Variants in COL4A1 observed in about 807,000 individuals in gnomAD.
COL4A1 encodes collagen alpha-1(IV) chain.
In COL4A1, 40 loss-of-function variants were observed where a neutral mutation model predicts 216.6. The observed-to-expected ratio is 0.18, with a 90% CI of 0.14 to 0.24. The LOEUF (loss-of-function observed/expected upper bound fraction) is 0.24. COL4A1 is among the 10% of genes least tolerant of loss of function. The pLI is 1.00. For missense variants in COL4A1, 1,628 were observed against 2,196.8 expected, an observed-to-expected ratio of 0.74 and a Z score of 5.18; for synonymous variants, 839 against 810.7, an observed-to-expected ratio of 1.03 and a Z score of -0.59.
chr13:110,298,910 G>C (rs1884384345), intron 1 of COL4A1: 1 of 152,496 alleles, frequency 6.6e-6, no homozygotes, highest in South Asian at 2.1e-4. Context: ...AAGCCACGGA[G>C]GGCAGAGTCT....
intron 1 of COL4A1, among the ~76,000 whole-genome samples, chr13:110,244,032 C>T (rs753893802): frequency 3.3e-5 from 5 of 152,108 alleles, no homozygotes; most frequent in Admixed American, 1.3e-4. Flanking sequence ...GATGAATAAT[C>T]GGGTTAATAA....
Position 110,297,934 on chromosome 13 carries a change from A to AG in COL4A1, c.84+9009_84+9010insC, listed in dbSNP as rs199928351. On this transcript the variant is annotated intron_variant, in intron 1 of 51. Transcript: ENST00000375820. The stretch of plus-strand genomic sequence containing the variant: ...TACTTTCGCTGATGTAAAAAAAAAA[A>AG]AGAGAGAGAGAAATGGGCCTTTGGT... Among the ~76,000 whole-genome samples the AG allele has an allele frequency of 2.8e-3, 422 of 152,062 alleles. 2 individuals carry two copies. Among genetic ancestry groups the AG allele is most frequent in the Admixed American group, 4.5e-3 (69 of 15,290 alleles).
At chr13:110,215,888 C>A (rs1207532190) in intron 2 of COL4A1, among the ~76,000 whole-genome samples, 1 of 152,202 alleles carries the variant, frequency 6.6e-6, no homozygotes, top group African/African-American at 2.4e-5. Flanking sequence ...TAACTGCCTG[C>A]TCCATTTTTA....
At chr13:110,217,683 A>G (rs969251864) in intron 2 of COL4A1, among the ~76,000 whole-genome samples, 4 of 152,234 alleles carry the variant, frequency 2.6e-5, no homozygotes, top group African/African-American at 9.6e-5. Context: ...TGATCAAAAA[A>G]GGAAAATCAT....
At chr13:110,196,593 A>T (rs916798413) in intron 21 of COL4A1, among the ~76,000 whole-genome samples, 1 of 142,496 alleles carries the variant, frequency 7.0e-6, no homozygotes, top group Admixed American at 7.2e-5. Flanking sequence ...AAAACAAAAA[A>T]CAAAAAACAA....
intron 18 of COL4A1, among the ~76,000 whole-genome samples, chr13:110,203,030 T>C (rs1879317857): frequency 6.6e-6 from 1 of 152,082 alleles, no homozygotes; most frequent in Non-Finnish European, 1.5e-5. Flanking sequence ...TTGGCCAACA[T>C]AGTCAGGCCC....
chr13:110,250,441 C>T (rs1322310528), intron 1 of COL4A1, among the ~76,000 whole-genome samples: 2 of 152,140 alleles, frequency 1.3e-5, no homozygotes, highest in Non-Finnish European at 2.9e-5. Context: ...AAGTTCTGGT[C>T]TCATTTTCCC....
chr13:110,174,765 A>G lies in COL4A1; in HGVS notation c.3199-16T>C. 1.2e-6 allele frequency: 2 copies of G among 1,612,176 alleles called. No individual in the cohort carries two copies. Among genetic ancestry groups the G allele is most frequent in the Non-Finnish European group, 1.7e-6 (2 of 1,178,348 alleles). ...CTTGATCTCCCTGCAAGTAAAAGTC[A>G]GGCATATTAACTTTACATTTGTCCA... On this transcript the variant is annotated splice_polypyrimidine_tract_variant and intron_variant, in intron 37 of 51. Transcript: ENST00000375820.
intron 23 of COL4A1, 47 bp downstream of exon 23, chr13:110,192,783 A>C: frequency 6.5e-7 from 1 of 1,543,346 alleles, no homozygotes; most frequent in Non-Finnish European, 8.9e-7. Flanking sequence ...AGATGCCAAC[A>C]CACCAAAGCA....
intron 1 of COL4A1, among the ~76,000 whole-genome samples, chr13:110,253,665 ATG>A (rs1428043138): frequency 5.9e-5 from 8 of 134,522 alleles, no homozygotes; most frequent in Admixed American, 3.8e-4. Flanking sequence ...GTATAATTAT[ATG>A]TGTATGTATG....
intron 1 of COL4A1, among the ~76,000 whole-genome samples, chr13:110,275,150 G>T (rs1310313713): frequency 5.3e-5 from 8 of 152,128 alleles, no homozygotes; most frequent in Non-Finnish European, 1.0e-4. Context: ...ATTTGCAAAA[G>T]ATATATTTGA....
chr13:110,232,289 C>G (rs1032282051), intron 2 of COL4A1, among the ~76,000 whole-genome samples: 1 of 152,236 alleles, frequency 6.6e-6, no homozygotes, highest in African/African-American at 2.4e-5. Context: ...CTGGTTTGCT[C>G]GTTAACTCTG....
In COL4A1 at chr13:110,150,250, C is replaced by T. The variant is rs1876435484; in HGVS notation, c.*113G>A. ...ACGCAAATTCCTATAAGGCACTTTA[C>T]GGTTTTCATATTGGACAGTGAGGTA... On this transcript the variant is annotated 3_prime_UTR_variant, in exon 52 of 52. Transcript: ENST00000375820. 6 of 1,021,066 alleles carry T rather than the reference C, an allele frequency of 5.9e-6. No homozygotes were observed. Among genetic ancestry groups the T allele is most frequent in the East Asian group, 2.6e-5 (1 of 38,554 alleles). 63.3% of individuals were successfully genotyped at this position (1,021,066 alleles called of 1,614,324 possible).
Position 110,200,863 on chromosome 13 carries a change from C to G in COL4A1, c.1111G>C (p.Gly371Arg). Reference protein sequence around the residue: ...KGFPGLPGQPGPPGLPVPGQA... With the variant: ...KGFPGLPGQPRPPGLPVPGQA... The stretch of plus-strand genomic sequence containing the variant: ...AGTTAAGGAGTCTCACCTGGAGGTC[C>G]GGGTTGGCCTGGTAGTCCTGGGAAA... Residue 371 changes from glycine to arginine, a missense_variant, in exon 20 of 52, where the codon GGA (glycine) becomes CGA (arginine). Coordinates refer to ENST00000375820, the MANE Select transcript of COL4A1 (RefSeq NM_001845.6). 1 of 1,614,108 alleles carries G rather than the reference C, an allele frequency of 6.2e-7. No homozygotes were observed. Among genetic ancestry groups the G allele is most frequent in the Non-Finnish European group, 8.5e-7 (1 of 1,180,004 alleles).
intron 6 of COL4A1, 47 bp downstream of exon 6, chr13:110,212,370 A>C: frequency 6.2e-7 from 1 of 1,609,864 alleles, no homozygotes; most frequent in African/African-American, 1.3e-5. Context: ...AATATGCAAA[A>C]ATTACGTAAA....
In COL4A1 at chr13:110,177,016, G is replaced by A. The variant is rs1877919834; in HGVS notation, c.2738C>T (p.Ser913Phe). 1 of 1,614,058 alleles carries A rather than the reference G, an allele frequency of 6.2e-7. No individual in the cohort carries two copies. Reference protein sequence around the residue: ...GEKGDHGFPGSSGPRGDPGLK... With the variant: ...GEKGDHGFPGFSGPRGDPGLK... ...GCCAGGGTCTCCCCTGGGTCCTGAG[G>A]AGCCCGGAAAGCCATGGTCCCCTGC... The change falls in exon 34 of 52, where the codon TCC becomes TTC. Residue 913 changes from serine (S) to phenylalanine (F), a missense_variant. Transcript: ENST00000375820.
chr13:110,175,180 TG>T, intron 37 of COL4A1, 37 bp downstream of exon 37: 1 of 1,613,080 alleles, frequency 6.2e-7, no homozygotes, highest in Non-Finnish European at 8.5e-7. Context: ...TCCACTGAGC[TG>T]GGAGAAGGGG....
Position 110,306,925 on chromosome 13 carries a change from G to A in COL4A1, c.84+19C>T. The A allele has an allele frequency of 1.4e-6, 2 of 1,460,032 alleles. No individual in the cohort carries two copies. The highest frequency in any genetic ancestry group is 1.3e-5 in the South Asian group (1 of 75,390). 90.4% of individuals were successfully genotyped at this position (1,460,032 alleles called of 1,614,324 possible). A position where few individuals can be genotyped will look rare whatever the true frequency, so the allele number is the denominator to read the frequency against. ...AGCTCGGGGCGGGACGCCGGGAGCG[G>A]AGCTGGCCGGGAACTCACCTTCGCA... is the stretch of plus-strand genomic sequence containing the variant. On this transcript the variant is annotated intron_variant, in intron 1 of 51. Transcript: ENST00000375820.
chr13:110,246,188 GACAA>G (rs1456081473), intron 1 of COL4A1, among the ~76,000 whole-genome samples: 3 of 151,224 alleles, frequency 2.0e-5, no homozygotes, highest in East Asian at 1.9e-4. Flanking sequence ...TGACAAGAAT[GACAA>G]ACAAATATCC....
Sources: allele counts gnomAD v4.1 joint callset (sites outside exome capture counted in the v4.1 genomes callset), GRCh38; gene constraint gnomAD v4.1.1; transcripts MANE v1.5; gene names NCBI Gene and HGNC (gene_info 2026-07-23, HGNC 2026-07-21).